BAG6: variants seen among roughly 807,000 people sequenced by gnomAD.
BAG6 encodes BAG cochaperone 6.
In BAG6, 22 loss-of-function variants were observed where a neutral mutation model predicts 121.0. That is an observed-to-expected ratio of 0.18 (90% CI 0.13 to 0.26). The LOEUF (loss-of-function observed/expected upper bound fraction) is 0.26. Among genes scored for constraint, BAG6 ranks in the 10% least tolerant of loss-of-function variants. The pLI, the probability that BAG6 is intolerant of heterozygous loss-of-function variation, is 1.00. For synonymous variants in BAG6, 583 were observed against 584.6 expected, an observed-to-expected ratio of 1.00 and a Z score of 0.04; for missense variants, 1,233 against 1,537.7, an observed-to-expected ratio of 0.80 and a Z score of 3.31.
chr6:31,652,320 AACAC>A (rs879204976), intron 1 of BAG6, 100 bp downstream of exon 1: 9,330 of 121,714 alleles, frequency 0.077, 533 homozygotes, highest in African/African-American at 0.16. Context: ...CCCACAGCCA[AACAC>A]ACACACACAC....
At position 31,644,219 on chromosome 6, in the gene BAG6, C is replaced by T. The variant is rs769643441; in HGVS notation, c.1556-25G>A. The stretch of plus-strand genomic sequence containing the variant: ...CCTGTGGGTGGCAGAAGAGACAGAC[C>T]GAAGAGGGCTGAGGGCCAGGCCCTT... On this transcript the variant is annotated intron_variant, in intron 12 of 25. Transcript: ENST00000676615. The surrounding 1 kb of genome is among the most constrained non-coding windows in gnomAD (Gnocchi z 4.9). The T allele has an allele frequency of 6.2e-7, 1 of 1,603,502 alleles. No homozygotes were observed. Among genetic ancestry groups the T allele is most frequent in the East Asian group, 2.3e-5 (1 of 44,316 alleles).
At chr6:31,642,751 T>G in intron 15 of BAG6, 78 bp downstream of exon 15, 1 of 1,526,174 alleles carries the variant, frequency 6.6e-7, no homozygotes, top group South Asian at 1.2e-5. Flanking sequence ...CCAGTGGTTA[T>G]ATAATGGCAA....
chr6:31,644,937 T>G lies in BAG6; in HGVS notation c.1369+9A>C, dbSNP rs1210248220. 1 of 1,561,206 alleles carries G rather than the reference T, an allele frequency of 6.4e-7. No homozygotes were observed. The highest frequency in any genetic ancestry group is 1.8e-5 in the Admixed American group (1 of 54,496). On this transcript the variant is annotated intron_variant, in intron 10 of 25. Coordinates refer to ENST00000676615, the MANE Select transcript of BAG6 (RefSeq NM_001387994.1). The surrounding 1 kb of genome is among the most constrained non-coding windows in gnomAD (Gnocchi z 4.9). ...TGATCCTGCTCTTCTCGCCAGCAAC[T>G]ATTCTCACCTTGAATGTTCATGTGC...
chr6:31,648,587 T>C, intron 6 of BAG6, 90 bp downstream of exon 6: 1 of 1,277,520 alleles, frequency 7.8e-7, no homozygotes, highest in Non-Finnish European at 1.1e-6. Context: ...CCAAACCCTG[T>C]GGATGTGGCC....
At chr6:31,646,555 A>G (rs1789483037) in intron 7 of BAG6, 32 bp from the exon 8 acceptor site, 2 of 1,606,212 alleles carry the variant, frequency 1.2e-6, no homozygotes, top group African/African-American at 1.3e-5. Context: ...AATGAGCCAA[A>G]GCCTTCCTCA....
chr6:31,647,950 T>G (rs764290344), intron 6 of BAG6, 124 bp from the exon 7 acceptor site: 180 of 1,291,556 alleles, frequency 1.4e-4, no homozygotes, highest in Non-Finnish European at 1.7e-4. Context: ...CTCTGCAATT[T>G]TATCTCCGAC....
In BAG6 at chr6:31,642,282, C is replaced by T. The variant is rs758242824; in HGVS notation, c.2165G>A (p.Gly722Asp). ...AAACTCCGGTGACAGGCTCTCAAGA[C>T]CCAGGCCTCCAGGACTCCCTGCGCC... ...SGGAGSPGGL[G>D]LESLSPEFFT... is the part of the protein sequence containing the mutation. Residue 722 changes from glycine to aspartate, a missense_variant, in exon 16 of 26, where the codon GGT (glycine) becomes GAT (aspartate). Physicochemically the swap from Gly to Asp is moderately conservative, Grantham distance 94. This residue lies in a region of BAG6 where 288 missense variants were observed against 483.1 expected (regional missense o/e 0.60). Transcript: ENST00000676615. 2 of 1,601,648 alleles carry T rather than the reference C, an allele frequency of 1.2e-6. No homozygotes were observed. The highest frequency in any genetic ancestry group is 2.7e-5 in the African/African-American group (2 of 74,516).
At position 31,641,464 on chromosome 6, in the gene BAG6, A is replaced by G. The variant is rs995191242; in HGVS notation, c.2560-42T>C. ...CACAAAGATCCCAAAATCAAGAATC[A>G]TAAGACTGGGAGTGGAGGAGGCAGC... On this transcript the variant is annotated intron_variant, in intron 18 of 25. Transcript: ENST00000676615. The surrounding 1 kb of genome is among the most constrained non-coding windows in gnomAD (Gnocchi z 5.7). The G allele has an allele frequency of 1.7e-5, 27 of 1,613,980 alleles. No homozygotes were observed. The highest frequency in any genetic ancestry group is 1.6e-4 in the East Asian group (7 of 44,902).
rs1275939264 is a variant in BAG6 at position 31,640,397 on chromosome 6, A to G, written c.3126T>C (p.Ala1042=). Residue 1042 remains alanine (A), a synonymous_variant, in exon 23 of 26, where the codon GCT becomes GCC. Coordinates refer to ENST00000676615, the MANE Select transcript of BAG6 (RefSeq NM_001387994.1). The surrounding 1 kb of genome is among the most constrained non-coding windows in gnomAD (Gnocchi z 4.2). The part of the protein sequence containing the change: ...GASAETEPWA[A]AVPPEWVPII... Reference sequence around the variant, plus strand: ...TCCTGACACTTACTGGGGGGACTGCAGCTGCCCAAGGTTCTGTCTCAGCTG... The same window carrying G: ...TCCTGACACTTACTGGGGGGACTGCGGCTGCCCAAGGTTCTGTCTCAGCTG... 6.2e-7 allele frequency: 1 copy of G among 1,614,174 alleles called. No individual in the cohort carries two copies. The highest frequency in any genetic ancestry group is 1.1e-5 in the South Asian group (1 of 91,080).
At position 31,644,502 on chromosome 6, in the gene BAG6, T is replaced by A; in HGVS notation, c.1447+23A>T. The A allele has an allele frequency of 6.2e-7, 1 of 1,600,526 alleles. No homozygotes were observed. The highest frequency in any genetic ancestry group is 8.5e-7 in the Non-Finnish European group (1 of 1,173,926). ...CCCTTTCTCTACCCAGAGCTCAGCC[T>A]GCCCTGATGCCCTCACTCTTACCCA... On this transcript the variant is annotated intron_variant, in intron 11 of 25. Coordinates refer to ENST00000676615, the MANE Select transcript of BAG6 (RefSeq NM_001387994.1). This position sits in a 1 kb window ranked among gnomAD's most constrained non-coding sequence, Gnocchi z 4.9.
intron 1 of BAG6, 80 bp from the exon 2 acceptor site, chr6:31,651,856 G>T: frequency 2.0e-6 from 2 of 1,016,364 alleles, no homozygotes; most frequent in Non-Finnish European, 3.1e-6. Flanking sequence ...ATTAATCCCT[G>T]CCCCAATACC....
rs1216794261 is a variant in BAG6 at position 31,641,424 on chromosome 6, TGA to T, written c.2560-4_2560-3del. 1.2e-6 allele frequency: 2 copies of T among 1,614,180 alleles called. No homozygotes were observed. Among genetic ancestry groups the T allele is most frequent in the South Asian group, 1.1e-5 (1 of 91,082 alleles). On this transcript the variant is annotated splice_region_variant and splice_polypyrimidine_tract_variant and intron_variant, in intron 18 of 25. Transcript: ENST00000676615. The surrounding 1 kb of genome is among the most constrained non-coding windows in gnomAD (Gnocchi z 5.7). ...ACCTGGCTGAACCTGCACCAAGGAC[TGA>T]GAGACAAGATAACACAAAGATCCCA...
chr6:31,650,560 G>A (rs549238296), intron 2 of BAG6, among the ~76,000 whole-genome samples: 1 of 151,726 alleles, frequency 6.6e-6, no homozygotes, highest in Non-Finnish European at 1.5e-5. Context: ...AGATACTCAG[G>A]AGGCTGAGGC....
intron 4 of BAG6, 103 bp from the exon 5 acceptor site, chr6:31,649,067 C>T (rs1793411220): frequency 7.3e-6 from 11 of 1,497,460 alleles, no homozygotes; most frequent in African/African-American, 1.4e-5. Context: ...TCCTTAAAGA[C>T]TGAGACCAAT....
chr6:31,644,695 TC>T lies in BAG6; in HGVS notation c.1370-94del. On this transcript the variant is annotated intron_variant, in intron 10 of 25. Transcript: ENST00000676615. This position sits in a 1 kb window ranked among gnomAD's most constrained non-coding sequence, Gnocchi z 4.9. The stretch of plus-strand genomic sequence containing the variant: ...GATCAGGCATACTTCAGGCCCATAA[TC>T]CCCCAATCAGAAAGCCTGCCTTTCC... The T allele has an allele frequency of 7.2e-7, 1 of 1,387,774 alleles. No homozygotes were observed. 86.0% of individuals were successfully genotyped at this position (1,387,774 alleles called of 1,614,324 possible). A position where few individuals can be genotyped will look rare whatever the true frequency, so the allele number is the denominator to read the frequency against.
chr6:31,644,902 C>T lies in BAG6; in HGVS notation c.1369+44G>A, dbSNP rs1160774837. On this transcript the variant is annotated intron_variant, in intron 10 of 25. Transcript: ENST00000676615. This position sits in a 1 kb window ranked among gnomAD's most constrained non-coding sequence, Gnocchi z 4.9. ...CCCTCACACCTCAGCATGAACCTCC[C>T]TCATCATGCTGATCCTGCTCTTCTC... 6.5e-7 allele frequency: 1 copy of T among 1,542,710 alleles called. No individual in the cohort carries two copies. Among genetic ancestry groups the T allele is most frequent in the Non-Finnish European group, 8.7e-7 (1 of 1,144,362 alleles).
Position 31,641,647 on chromosome 6 carries a change from C to T in BAG6, c.2506-55G>A. The T allele has an allele frequency of 1.2e-6, 2 of 1,613,154 alleles. No individual in the cohort carries two copies. The highest frequency in any genetic ancestry group is 3.3e-5 in the Admixed American group (2 of 60,020). The stretch of plus-strand genomic sequence containing the variant: ...AAAGCCTCAGTCCTCCCAAGACTTC[C>T]ACCTCGACCCCAACAAGTCCAGGGC... On this transcript the variant is annotated intron_variant, in intron 17 of 25. Coordinates refer to ENST00000676615, the MANE Select transcript of BAG6 (RefSeq NM_001387994.1). This position sits in a 1 kb window ranked among gnomAD's most constrained non-coding sequence, Gnocchi z 5.7.
intron 1 of BAG6, 112 bp from the exon 2 acceptor site, chr6:31,651,888 A>T (rs1697313342): frequency 2.9e-6 from 2 of 685,744 alleles, no homozygotes; most frequent in Admixed American, 4.3e-5. Context: ...TCCTGCACAC[A>T]CACACATTCA....
At position 31,644,438 on chromosome 6, in the gene BAG6, C is replaced by G; in HGVS notation, c.1448-24G>C. ...GCCTGGGGGGCGGGTCTGATGTAAC[C>G]TTGAACCTGGACCCCTTCAACCCAC... On this transcript the variant is annotated intron_variant, in intron 11 of 25. Transcript: ENST00000676615. This position sits in a 1 kb window ranked among gnomAD's most constrained non-coding sequence, Gnocchi z 4.9. The G allele has an allele frequency of 6.4e-7, 1 of 1,552,492 alleles. No homozygotes were observed. Among genetic ancestry groups the G allele is most frequent in the Non-Finnish European group, 8.7e-7 (1 of 1,147,264 alleles).
Sources: allele counts gnomAD v4.1 joint callset (sites outside exome capture counted in the v4.1 genomes callset), GRCh38; gene constraint gnomAD v4.1.1; regional missense constraint gnomAD v4.1.1; non-coding constraint Gnocchi (gnomAD v3.1); transcripts MANE v1.5; gene names NCBI Gene and HGNC (gene_info 2026-07-23, HGNC 2026-07-21).